Variants in PHLDB2 observed in about 807,000 individuals in gnomAD.
PHLDB2 encodes pleckstrin homology-like domain family B member 2.
PHLDB2 carries 71 observed loss-of-function variants against 123.6 expected under a neutral mutation model. The ratio of observed to expected loss-of-function variants is 0.57; its 90% CI spans 0.47 to 0.70. PHLDB2 has a LOEUF of 0.70. PHLDB2 is among the 30% of genes least tolerant of loss of function. PHLDB2 has a pLI of 0.00. For synonymous variants in PHLDB2, 547 were observed against 541.6 expected (o/e 1.01, Z -0.14); for missense variants, 1,446 against 1,519.5 (o/e 0.95, Z 0.80).
chr3:111,895,856 A>ATCT (rs1559891124), intron 2 of PHLDB2, among the ~76,000 whole-genome samples: 3 of 82,084 alleles, frequency 3.7e-5, no homozygotes, highest in African/African-American at 1.5e-4. Context: ...CAAAAAAAAA[A>ATCT]AATCTATCTA....
intron 3 of PHLDB2, chr3:111,914,777 C>A (rs555121004): frequency 6.6e-6 from 1 of 152,012 alleles, no homozygotes; most frequent in African/African-American, 2.4e-5. Context: ...CTCATAAGTA[C>A]TATTTAGTCT....
chr3:111,756,388 G>T (rs189567670), intron 1 of PHLDB2, among the ~76,000 whole-genome samples: 21 of 152,290 alleles, frequency 1.4e-4, no homozygotes, highest in Admixed American at 7.8e-4. Flanking sequence ...TCGTTGAATT[G>T]ATCCCTTTAC....
chr3:111,921,823 C>T (rs963617940), intron 5 of PHLDB2, among the ~76,000 whole-genome samples: 3 of 152,136 alleles, frequency 2.0e-5, no homozygotes, highest in Admixed American at 6.5e-5. Context: ...AGGATGGTCT[C>T]GATCTCCTGA....
At chr3:111,936,177 T>C (rs767973944) in intron 6 of PHLDB2, among the ~76,000 whole-genome samples, 4 of 152,176 alleles carry the variant, frequency 2.6e-5, no homozygotes, top group African/African-American at 7.2e-5. Flanking sequence ...CCGTATACAT[T>C]ATTTAAAAAG....
At chr3:111,804,650 C>T (rs1375121722) in intron 1 of PHLDB2, among the ~76,000 whole-genome samples, 1 of 152,156 alleles carries the variant, frequency 6.6e-6, no homozygotes, top group East Asian at 1.9e-4. Flanking sequence ...ATGTGGATGT[C>T]CAGATTTTGC....
At chr3:111,752,502 A>C (rs1196498225) in intron 1 of PHLDB2, among the ~76,000 whole-genome samples, 2 of 151,962 alleles carry the variant, frequency 1.3e-5, no homozygotes, top group Non-Finnish European at 2.9e-5. Context: ...TCAAGTTTTC[A>C]TTCGCTTATT....
At chr3:111,816,679 G>C (rs190383494) in intron 1 of PHLDB2, among the ~76,000 whole-genome samples, 50 of 152,322 alleles carry the variant, frequency 3.3e-4, no homozygotes, top group South Asian at 1.7e-3. Flanking sequence ...TTAGATGTCG[G>C]ACTGTGAACT....
chr3:111,806,975 G>A (rs2061616707), intron 1 of PHLDB2, among the ~76,000 whole-genome samples: 1 of 151,692 alleles, frequency 6.6e-6, no homozygotes, highest in Non-Finnish European at 1.5e-5. Context: ...CTAGTTATGG[G>A]ACTTGTAAGA....
chr3:111,807,927 T>C (rs1449520260), intron 1 of PHLDB2, among the ~76,000 whole-genome samples: 1 of 147,354 alleles, frequency 6.8e-6, no homozygotes, highest in Admixed American at 7.1e-5. Context: ...AAGAGGACCA[T>C]TTTATAAATA....
chr3:111,893,900 T>TTATTTA (rs1553746205), intron 2 of PHLDB2, among the ~76,000 whole-genome samples: 1 of 136,634 alleles, frequency 7.3e-6, no homozygotes, highest in Non-Finnish European at 1.6e-5. Context: ...TTGGATTTAT[T>TTATTTA]TTTATTTATT....
At chr3:111,931,130 G>A (rs1389794797) in intron 5 of PHLDB2, among the ~76,000 whole-genome samples, 1 of 152,172 alleles carries the variant, frequency 6.6e-6, no homozygotes, top group Non-Finnish European at 1.5e-5. Flanking sequence ...GTGCTTAGAA[G>A]CTAGTTTTGT....
intron 1 of PHLDB2, among the ~76,000 whole-genome samples, chr3:111,868,664 T>C (rs1019104692): frequency 5.3e-5 from 8 of 152,212 alleles, no homozygotes; most frequent in Admixed American, 2.0e-4. Context: ...TCAATACTTA[T>C]TGATATTGTC....
At chr3:111,933,049 G>A (rs781423733) in intron 6 of PHLDB2, among the ~76,000 whole-genome samples, 8 of 152,186 alleles carry the variant, frequency 5.3e-5, no homozygotes, top group African/African-American at 7.2e-5. Flanking sequence ...GGTTGGCAGC[G>A]TTTAACACAA....
At chr3:111,933,266 A>T (rs1303022328) in intron 6 of PHLDB2, among the ~76,000 whole-genome samples, 3 of 152,236 alleles carry the variant, frequency 2.0e-5, no homozygotes, top group Non-Finnish European at 4.4e-5. Context: ...GTCTTGAGTG[A>T]TTAACAATTT....
chr3:111,873,328 G>GT (rs5851800), intron 1 of PHLDB2, among the ~76,000 whole-genome samples: 15,871 of 152,278 alleles, frequency 0.1, 1,079 homozygotes, highest in Non-Finnish European at 0.15. Flanking sequence ...TCCTGGGGTA[G>GT]TAGGGAATCT....
chr3:111,940,213 G>GT (rs1343239019), intron 7 of PHLDB2, among the ~76,000 whole-genome samples: 1 of 151,682 alleles, frequency 6.6e-6, no homozygotes, highest in Non-Finnish European at 1.5e-5. Flanking sequence ...AAATTCCATT[G>GT]TTTTTTTCTC....
intron 6 of PHLDB2, among the ~76,000 whole-genome samples, chr3:111,938,547 G>A (rs1249585531): frequency 2.0e-5 from 3 of 151,964 alleles, no homozygotes. Flanking sequence ...TGCTACTTGT[G>A]TATACATTAG....
At chr3:111,853,887 T>C (rs974715702) in intron 2 of PHLDB2, among the ~76,000 whole-genome samples, 3 of 147,536 alleles carry the variant, frequency 2.0e-5, no homozygotes, top group East Asian at 2.0e-4. Flanking sequence ...AAAAAAAAAA[T>C]AGTTCTTACT....
At chr3:111,944,082 A>G (rs577816583) in intron 8 of PHLDB2, among the ~76,000 whole-genome samples, 1 of 152,336 alleles carries the variant, frequency 6.6e-6, no homozygotes, top group East Asian at 1.9e-4. Context: ...GATGCCTGTA[A>G]CATGGAGTGA....
Sources: gnomAD v4.1 joint callset for allele counts (sites outside exome capture counted in the v4.1 genomes callset) on GRCh38, gnomAD v4.1.1 for gene constraint, MANE v1.5 for transcripts, NCBI Gene and HGNC (gene_info 2026-07-23, HGNC 2026-07-21) for gene names.